PLCB1: variants seen among roughly 807,000 people sequenced by gnomAD.
PLCB1 encodes phospholipase C beta 1.
In PLCB1, 46 loss-of-function variants were observed where a neutral mutation model predicts 161.8. The observed-to-expected ratio is 0.28, with a 90% CI of 0.22 to 0.36. The LOEUF (loss-of-function observed/expected upper bound fraction) is 0.36, where lower values mean the gene tolerates loss of function less well. Among genes scored for constraint, PLCB1 ranks in the 10% least tolerant of loss-of-function variants. The probability of loss-of-function intolerance (pLI) is 1.00; values close to 1 mark genes in which losing one functional copy is unlikely to be tolerated. For missense variants in PLCB1, 1,016 were observed against 1,472.5 expected (o/e 0.69, Z 5.07); for synonymous variants, 517 against 503.7 (o/e 1.03, Z -0.35).
chr20:8,632,844 T>TTG lies in PLCB1; in HGVS notation c.384+4414_384+4415dup, dbSNP rs906918453. Among the ~76,000 whole-genome samples the TTG allele has an allele frequency of 3.9e-4, 60 of 152,264 alleles. 1 individual carries two copies. Among genetic ancestry groups the TTG allele is most frequent in the African/African-American group, 1.4e-3 (57 of 41,546 alleles). On this transcript the variant is annotated intron_variant, in intron 4 of 31. Transcript: ENST00000338037. ...ACTGAGGAGGCAACTGCAACTGATT[T>TTG]TGCTGTAGGATGGCATAGGCTTTTG...
chr20:8,323,860 CAA>C (rs11468221), intron 2 of PLCB1, among the ~76,000 whole-genome samples: 37,200 of 131,538 alleles, frequency 0.28, 4,695 homozygotes, highest in South Asian at 0.47. Flanking sequence ...TAGTCATTGC[CAA>C]AAAAAAAAAA....
chr20:8,402,873 G>A (rs1282489873), intron 3 of PLCB1, among the ~76,000 whole-genome samples: 2 of 151,904 alleles, frequency 1.3e-5, no homozygotes, highest in African/African-American at 4.8e-5. Flanking sequence ...TTTAAAAAAA[G>A]TTTTCATTTG....
intron 31 of PLCB1, among the ~76,000 whole-genome samples, chr20:8,807,438 A>T (rs1984592149): frequency 6.6e-6 from 1 of 152,226 alleles, no homozygotes; most frequent in South Asian, 2.1e-4. Flanking sequence ...CACGGAAAAA[A>T]TGAAAATTGC....
At chr20:8,817,730 G>A (rs6056152) in intron 31 of PLCB1, among the ~76,000 whole-genome samples, 13,807 of 152,006 alleles carry the variant, frequency 0.091, 1,814 homozygotes, top group African/African-American at 0.29. Context: ...CAATGAATAC[G>A]AAGAAAGTCC....
chr20:8,427,496 C>T (rs1302573603), intron 3 of PLCB1, among the ~76,000 whole-genome samples: 1 of 152,162 alleles, frequency 6.6e-6, no homozygotes, highest in Non-Finnish European at 1.5e-5. Flanking sequence ...TTTAAAAAGA[C>T]TTTGAGTAAA....
chr20:8,859,997 G>A lies in PLCB1; in HGVS notation c.3424-21625G>A, dbSNP rs188267171. ...ATAAATATGTGGGCTTTTTGTTAAA[G>A]CCTGATAGGAGAAGAGATTATTATA... On this transcript the variant is annotated intron_variant, in intron 31 of 31. Transcript: ENST00000338037. Among the ~76,000 whole-genome samples the A allele has an allele frequency of 3.1e-4, 47 of 152,282 alleles. No individual in the cohort carries two copies. The East Asian group carries it at 8.7e-3, about 28-fold the overall frequency.
chr20:8,657,078 G>C, intron 7 of PLCB1, 106 bp from the exon 8 acceptor site: 4 of 704,904 alleles, frequency 5.7e-6, no homozygotes, highest in Non-Finnish European at 2.6e-6. Flanking sequence ...GTGAGGGAAG[G>C]GGGGAAGAAA....
intron 3 of PLCB1, among the ~76,000 whole-genome samples, chr20:8,550,090 G>A (rs1985717949): frequency 6.6e-6 from 1 of 152,150 alleles, no homozygotes; most frequent in Non-Finnish European, 1.5e-5. Flanking sequence ...TTGTATGTAG[G>A]AAGTAAGTAA....
chr20:8,294,565 T>C lies in PLCB1; in HGVS notation c.178-76817T>C, dbSNP rs1600293264. ...GTATATGTGTGTATATCTACATGTC[T>C]ATATGTATATGTATCTAAGTATAAA... On this transcript the variant is annotated intron_variant, in intron 2 of 31. Transcript: ENST00000338037. Among the ~76,000 whole-genome samples, 3 of 151,698 alleles carry C rather than the reference T, an allele frequency of 2.0e-5. No homozygotes were observed. In the East Asian group the frequency reaches 5.9e-4, roughly 30 times the overall value.
intron 3 of PLCB1, among the ~76,000 whole-genome samples, chr20:8,466,750 A>G (rs760475346): frequency 4.6e-5 from 7 of 152,084 alleles, no homozygotes; most frequent in East Asian, 1.9e-4. Flanking sequence ...TCTTAATTCT[A>G]TCACTTAACA....
chr20:8,629,047 T>C (rs1020600564), intron 4 of PLCB1, among the ~76,000 whole-genome samples: 2 of 152,110 alleles, frequency 1.3e-5, no homozygotes, highest in Non-Finnish European at 2.9e-5. Context: ...CCCAAGTCAT[T>C]CTCTCTTAGC....
chr20:8,274,696 T>C (rs1982444369), intron 2 of PLCB1, among the ~76,000 whole-genome samples: 1 of 152,146 alleles, frequency 6.6e-6, no homozygotes, highest in African/African-American at 2.4e-5. Flanking sequence ...TTAGGAAGGG[T>C]TCAGAAGTGT....
intron 1 of PLCB1, among the ~76,000 whole-genome samples, chr20:8,136,411 G>GT: frequency 6.6e-6 from 1 of 152,262 alleles, no homozygotes; most frequent in Admixed American, 6.5e-5. Flanking sequence ...CAGATCACAA[G>GT]ACCAGGAGAT....
At chr20:8,288,979 A>G (rs1161379279) in intron 2 of PLCB1, among the ~76,000 whole-genome samples, 1 of 152,154 alleles carries the variant, frequency 6.6e-6, no homozygotes, top group Non-Finnish European at 1.5e-5. Context: ...CCAGGCACAT[A>G]GTTAGGTACC....
chr20:8,657,071 A>G, intron 7 of PLCB1, 113 bp from the exon 8 acceptor site: 1 of 677,832 alleles, frequency 1.5e-6, no homozygotes. Context: ...GGAGAAGGTG[A>G]GGGAAGGGGG....
At chr20:8,515,607 T>C (rs1339442897) in intron 3 of PLCB1, among the ~76,000 whole-genome samples, 1 of 152,228 alleles carries the variant, frequency 6.6e-6, no homozygotes, top group African/African-American at 2.4e-5. Flanking sequence ...ATCTGGGTCA[T>C]TTCCTTGTTT....
intron 2 of PLCB1, among the ~76,000 whole-genome samples, chr20:8,201,229 T>A (rs1243761879): frequency 1.3e-5 from 2 of 152,106 alleles, no homozygotes; most frequent in African/African-American, 4.8e-5. Flanking sequence ...AGTTTCTGTC[T>A]TGTGTGTTTT....
At position 8,640,305 on chromosome 20, in the gene PLCB1, C is replaced by T. The variant is rs151259883; in HGVS notation, c.385-5797C>T. Among the ~76,000 whole-genome samples the T allele has an allele frequency of 7.9e-5, 12 of 152,296 alleles. No homozygotes were observed. In the East Asian group the frequency reaches 9.7e-4, roughly 12 times the overall value. On this transcript the variant is annotated intron_variant, in intron 4 of 31. Transcript: ENST00000338037. ...CAGCATGCTTAATGCCCAAGAATTG[C>T]GATTGCTCCCCTTTTTCTGTTTCAC...
At chr20:8,249,445 G>T (rs920160074) in intron 2 of PLCB1, 1 of 151,870 alleles carries the variant, frequency 6.6e-6, no homozygotes, top group Non-Finnish European at 1.5e-5. Context: ...CATTATCCTT[G>T]TGTGGGTAAA....
Sources: allele counts gnomAD v4.1 joint callset (sites outside exome capture counted in the v4.1 genomes callset), GRCh38; gene constraint gnomAD v4.1.1; transcripts MANE v1.5; gene names NCBI Gene and HGNC (gene_info 2026-07-23, HGNC 2026-07-21).